The following PTK2B variants were observed in gnomAD, a reference collection of about 807,000 sequenced individuals.
The protein encoded by PTK2B is protein tyrosine kinase 2 beta, also known as protein-tyrosine kinase 2-beta.
A neutral mutation model predicts 142.9 loss-of-function variants in PTK2B; 71 were observed. That is an observed-to-expected ratio of 0.50 (90% CI 0.41 to 0.61). The LOEUF (loss-of-function observed/expected upper bound fraction) is 0.61, where lower values mean the gene tolerates loss of function less well. Ranked by LOEUF, PTK2B falls within the 20% of genes least tolerant of loss-of-function variation. The probability of loss-of-function intolerance (pLI) is 0.00; values close to 1 mark genes in which losing one functional copy is unlikely to be tolerated. For missense variants in PTK2B, 1,105 were observed against 1,320.4 expected (o/e 0.84, Z 2.53); for synonymous variants, 519 against 503.4 (o/e 1.03, Z -0.42).
Position 27,430,986 on chromosome 8 carries a change from C to G in PTK2B, c.780C>G (p.Ile260Met). Residue 260 changes from isoleucine to methionine, a missense_variant, in exon 8 of 31, where the codon ATC (isoleucine) becomes ATG (methionine). Physicochemically the swap from Ile to Met is conservative, Grantham distance 10. Coordinates refer to ENST00000346049, the MANE Select transcript of PTK2B (RefSeq NM_173176.3). ...FFNTLAGFAN[I>M]DQETYRCELI... ...ACACTCTCGCCGGCTTCGCCAACAT[C>G]GACCAGGAGACCTACCGCTGTGAAC... 3.7e-6 allele frequency: 6 copies of G among 1,614,100 alleles called. No homozygotes were observed. Among genetic ancestry groups the G allele is most frequent in the South Asian group, 1.1e-5 (1 of 91,070 alleles).
chr8:27,383,149 G>A (rs1807129629), intron 1 of PTK2B, among the ~76,000 whole-genome samples: 1 of 152,150 alleles, frequency 6.6e-6, no homozygotes, highest in African/African-American at 2.4e-5. Flanking sequence ...GCTTTAGGTA[G>A]TATGGTCATT....
Position 27,353,953 on chromosome 8 carries a change from C to T in PTK2B, c.-38+28272C>T, listed in dbSNP as rs983007975. Among the ~76,000 whole-genome samples, 5 of 152,182 alleles carry T rather than the reference C, an allele frequency of 3.3e-5. No individual in the cohort carries two copies. In the South Asian group the frequency reaches 6.2e-4, roughly 19 times the overall value. ...AAAAGAGAGGATTCACCTTGGCTCA[C>T]ATACCCAAATTAAGGGAAGATTCAG... On this transcript the variant is annotated intron_variant, in intron 1 of 30. Transcript: ENST00000346049.
chr8:27,457,039 C>G (rs140392082), intron 30 of PTK2B, among the ~76,000 whole-genome samples: 14 of 152,356 alleles, frequency 9.2e-5, no homozygotes, highest in African/African-American at 3.4e-4. Flanking sequence ...GGAGAAGCTG[C>G]AGCAAGTTCT....
chr8:27,442,220 A>G (rs75674223), intron 21 of PTK2B, among the ~76,000 whole-genome samples: 3,773 of 152,314 alleles, frequency 0.025, 170 homozygotes, highest in African/African-American at 0.086. Context: ...ACATAATAAA[A>G]TATATACACA....
chr8:27,365,033 A>G (rs905108696), intron 1 of PTK2B, among the ~76,000 whole-genome samples: 2 of 152,096 alleles, frequency 1.3e-5, no homozygotes, highest in African/African-American at 4.8e-5. Context: ...TTGCTCATAT[A>G]CATTCTAAGT....
At chr8:27,326,537 T>C (rs111338664) in intron 1 of PTK2B, among the ~76,000 whole-genome samples, 14 of 152,316 alleles carry the variant, frequency 9.2e-5, no homozygotes, top group African/African-American at 3.4e-4. Flanking sequence ...CAGAAAGTTG[T>C]GCCTAGAGGT....
At chr8:27,410,783 T>G (rs1389259738) in intron 2 of PTK2B, among the ~76,000 whole-genome samples, 1 of 152,226 alleles carries the variant, frequency 6.6e-6, no homozygotes, top group Non-Finnish European at 1.5e-5. Flanking sequence ...CCGGTCCTGT[T>G]GCTTCTTTGT....
chr8:27,456,986 A>G (rs1196310117), intron 30 of PTK2B, among the ~76,000 whole-genome samples: 2 of 152,202 alleles, frequency 1.3e-5, no homozygotes, highest in Non-Finnish European at 2.9e-5. Context: ...GAAAGAAATC[A>G]CCTCTGTAAC....
At chr8:27,425,520 C>G (rs62502424) in intron 5 of PTK2B, among the ~76,000 whole-genome samples, 33,863 of 151,932 alleles carry the variant, frequency 0.22, 3,951 homozygotes, top group Middle Eastern at 0.36. Context: ...CTATATACCC[C>G]CTTCCCCACA....
At chr8:27,312,005 A>G (rs986107871) in intron 1 of PTK2B, among the ~76,000 whole-genome samples, 2 of 152,158 alleles carry the variant, frequency 1.3e-5, no homozygotes, top group Non-Finnish European at 2.9e-5. Flanking sequence ...GCTCATGACA[A>G]CCACTGTTTT....
chr8:27,433,971 G>A (rs768964010), intron 11 of PTK2B, 122 bp from the exon 12 acceptor site: 4 of 1,309,906 alleles, frequency 3.1e-6, no homozygotes, highest in Non-Finnish European at 4.4e-6. Context: ...CAGGCTAGGA[G>A]AGAATGGAAT....
At chr8:27,405,035 CCTCTCTCTCT>C (rs3076734) in intron 2 of PTK2B, among the ~76,000 whole-genome samples, 7 of 119,640 alleles carry the variant, frequency 5.9e-5, no homozygotes, top group African/African-American at 2.4e-4. Flanking sequence ...TCTTTCTCTT[CCTCTCTCTCT>C]CTCTCTCTCT....
chr8:27,433,326 C>A, intron 10 of PTK2B, 109 bp from the exon 11 acceptor site: 2 of 916,366 alleles, frequency 2.2e-6, no homozygotes, highest in African/African-American at 1.7e-5. Flanking sequence ...ACAGCATTGG[C>A]ATCCAGGCAA....
At chr8:27,332,418 G>A (rs1803809440) in intron 1 of PTK2B, among the ~76,000 whole-genome samples, 1 of 152,148 alleles carries the variant, frequency 6.6e-6, no homozygotes, top group African/African-American at 2.4e-5. Flanking sequence ...AACGTGGTGG[G>A]TTTGACTCTC....
intron 1 of PTK2B, among the ~76,000 whole-genome samples, chr8:27,338,756 A>G (rs1359410628): frequency 1.1e-4 from 17 of 152,258 alleles, no homozygotes; most frequent in Admixed American, 1.1e-3. Context: ...AGATTCTGTA[A>G]GGGCTTGGAT....
At chr8:27,318,793 G>C in intron 3 of PTK2B, among the ~76,000 whole-genome samples, 1 of 152,112 alleles carries the variant, frequency 6.6e-6, no homozygotes, top group East Asian at 1.9e-4. Flanking sequence ...TGGAATTACA[G>C]GTATGCACCA....
intron 30 of PTK2B, among the ~76,000 whole-genome samples, chr8:27,457,712 C>T (rs752433476): frequency 1.6e-4 from 24 of 152,144 alleles, no homozygotes; most frequent in Non-Finnish European, 2.5e-4. Flanking sequence ...TGGTGGCTCA[C>T]GCCTATAATC....
At chr8:27,405,035 C>CCTCTCTCTCTCT (rs3076734) in intron 2 of PTK2B, among the ~76,000 whole-genome samples, 2,621 of 119,288 alleles carry the variant, frequency 0.022, 134 homozygotes, top group South Asian at 0.06. Context: ...TCTTTCTCTT[C>CCTCTCTCTCTCT]CTCTCTCTCT....
At chr8:27,437,325 A>C in intron 16 of PTK2B, 71 bp from the exon 17 acceptor site, 1 of 1,553,512 alleles carries the variant, frequency 6.4e-7, no homozygotes, top group South Asian at 1.1e-5. Flanking sequence ...CCCAGCTAGA[A>C]GAGCAAAGGC....
Sources: gnomAD v4.1 joint callset for allele counts (sites outside exome capture counted in the v4.1 genomes callset) on GRCh38, gnomAD v4.1.1 for gene constraint, MANE v1.5 for transcripts, NCBI Gene and HGNC (gene_info 2026-07-23, HGNC 2026-07-21) for gene names.